The following ANAPC4 variants were observed in gnomAD, a reference collection of about 807,000 sequenced individuals.
ANAPC4 encodes anaphase-promoting complex subunit 4.
In ANAPC4, 63 loss-of-function variants were observed where a neutral mutation model predicts 119.8. The ratio of observed to expected loss-of-function variants is 0.53; its 90% CI spans 0.43 to 0.65. ANAPC4 has a LOEUF of 0.65. Ranked by LOEUF, ANAPC4 falls within the 30% of genes least tolerant of loss-of-function variation. The probability of loss-of-function intolerance (pLI) is 0.00; values close to 1 mark genes in which losing one functional copy is unlikely to be tolerated. For synonymous variants in ANAPC4, 283 were observed against 318.6 expected (o/e 0.89, Z 1.19); for missense variants, 716 against 945.1 (o/e 0.76, Z 3.18).
chr4:25,417,249 CAT>C (rs1236534388), intron 27 of ANAPC4: 1 of 154,988 alleles, frequency 6.5e-6, no homozygotes, highest in Non-Finnish European at 1.4e-5. Context: ...CTCAGCCTCT[CAT>C]AGCTGGGACT....
At position 25,390,969 on chromosome 4, in the gene ANAPC4, T is replaced by C; in HGVS notation, c.659T>C (p.Val220Ala). The C allele has an allele frequency of 6.2e-7, 1 of 1,613,968 alleles. No individual in the cohort carries two copies. The highest frequency in any genetic ancestry group is 8.5e-7 in the Non-Finnish European group (1 of 1,179,916). The change falls in exon 9 of 29, where the codon GTC (valine) becomes GCC (alanine). Residue 220 changes from valine to alanine, a missense_variant. Around this residue, in one of 3 missense-constraint regions of ANAPC4, gnomAD observed 202 missense variants for 293.5 expected, o/e 0.69. Coordinates refer to ENST00000315368, the MANE Select transcript of ANAPC4 (RefSeq NM_013367.3). The stretch of plus-strand genomic sequence containing the variant: ...AGTGATTTGAAATCATTATCAGTGG[T>C]CACAGAAGTCTCTACCAATGGTGCT... ...LSSDLKSLSV[V>A]TEVSTNGASE...
chr4:25,380,573 AC>A (rs1296637903), intron 3 of ANAPC4, 94 bp downstream of exon 3: 1 of 830,534 alleles, frequency 1.2e-6, no homozygotes, highest in African/African-American at 1.7e-5. Context: ...TTCTTAGTAT[AC>A]ATAAGAATTA....
Position 25,391,011 on chromosome 4 carries a change from T to G in ANAPC4, c.701T>G (p.Phe234Cys). ...AATGGTGCTTCAGAAGTTTCATACT[T>G]TCAGGTGAGTATTGGAACTTGATAA... ...STNGASEVSY[F>C]QLETNLLYSF... The change falls in exon 9 of 29, where the codon TTT becomes TGT. Residue 234 changes from phenylalanine (F) to cysteine (C), a missense_variant. Phe to Cys is a radical substitution (Grantham distance 205). Around this residue, in one of 3 missense-constraint regions of ANAPC4, gnomAD observed 202 missense variants for 293.5 expected, o/e 0.69. Transcript: ENST00000315368. 1 of 1,604,272 alleles carries G rather than the reference T, an allele frequency of 6.2e-7. No homozygotes were observed. Among genetic ancestry groups the G allele is most frequent in the Non-Finnish European group, 8.5e-7 (1 of 1,171,372 alleles).
intron 11 of ANAPC4, among the ~76,000 whole-genome samples, 160 bp downstream of exon 11, chr4:25,394,051 C>T (rs73254166): frequency 0.067 from 10,171 of 152,136 alleles, 447 homozygotes; most frequent in African/African-American, 0.12. Context: ...CTCAGATTTG[C>T]CAAAAGGGCT....
chr4:25,407,469 G>A (rs1394316453), intron 20 of ANAPC4, among the ~76,000 whole-genome samples: 1 of 152,092 alleles, frequency 6.6e-6, no homozygotes, highest in Non-Finnish European at 1.5e-5. Context: ...GGGTGTGGTG[G>A]TGGGCACCTG....
intron 17 of ANAPC4, among the ~76,000 whole-genome samples, chr4:25,403,921 C>T (rs2109134432): frequency 6.6e-6 from 1 of 152,346 alleles, no homozygotes; most frequent in Non-Finnish European, 1.5e-5. Context: ...TTTGTATTCA[C>T]TCTGCAGTAT....
chr4:25,382,183 G>T (rs904941505), intron 3 of ANAPC4, among the ~76,000 whole-genome samples: 1 of 151,816 alleles, frequency 6.6e-6, no homozygotes, highest in Admixed American at 6.6e-5. Context: ...TGTTAATTGC[G>T]TACTAACCCA....
chr4:25,418,159 G>A lies in ANAPC4; in HGVS notation c.2204G>A (p.Ser735Asn). The A allele has an allele frequency of 5.0e-6, 8 of 1,611,282 alleles. No homozygotes were observed. Among genetic ancestry groups the A allele is most frequent in the Non-Finnish European group, 5.9e-6 (7 of 1,178,988 alleles). ...TTATGGCCTTTTCTTTTTTAGTTAA[G>A]CTCAAATCTTCGTCATGTGAGAGTA... is the stretch of plus-strand genomic sequence containing the variant. ...NGFRKVSCVL[S>N]SNLRHVRVFE... The change falls in exon 29 of 29, where the codon AGC becomes AAC. Residue 735 changes from serine (S) to asparagine (N), a missense_variant. By Grantham distance (46) the Ser-to-Asn change is conservative. Coordinates refer to ENST00000315368, the MANE Select transcript of ANAPC4 (RefSeq NM_013367.3).
rs532613634 is a variant in ANAPC4, at chr4:25,380,512, T to C, written c.235+33T>C. The C allele has an allele frequency of 2.6e-6, 4 of 1,511,614 alleles. No homozygotes were observed. In the African/African-American group the frequency reaches 4.2e-5, roughly 16 times the overall value. 93.6% of individuals were successfully genotyped at this position (1,511,614 alleles called of 1,614,324 possible). A position where few individuals can be genotyped will look rare whatever the true frequency, so the allele number is the denominator to read the frequency against. On this transcript the variant is annotated intron_variant, in intron 3 of 28. Coordinates refer to ENST00000315368, the MANE Select transcript of ANAPC4 (RefSeq NM_013367.3). ...TAATATTACAAAAAAAATATGTTTT[T>C]ATTTTCACAAAGAGTATTCTGTAAA...
chr4:25,409,445 A>G (rs1330547042), intron 20 of ANAPC4, among the ~76,000 whole-genome samples: 2 of 152,184 alleles, frequency 1.3e-5, no homozygotes, highest in African/African-American at 4.8e-5. Context: ...ACATTTATGG[A>G]GGGCTTAATT....
intron 4 of ANAPC4, among the ~76,000 whole-genome samples, chr4:25,387,199 G>A (rs1215612221): frequency 6.6e-6 from 1 of 152,120 alleles, no homozygotes; most frequent in East Asian, 1.9e-4. Context: ...TAATACACCA[G>A]GGTTGTAGTG....
chr4:25,396,652 CTGTT>C lies in ANAPC4; in HGVS notation c.1062-9_1062-6del. The C allele has an allele frequency of 1.9e-6, 3 of 1,577,886 alleles. No individual in the cohort carries two copies. The highest frequency in any genetic ancestry group is 2.6e-6 in the Non-Finnish European group (3 of 1,160,932). On this transcript the variant is annotated splice_polypyrimidine_tract_variant and splice_region_variant and intron_variant, in intron 14 of 28. Coordinates refer to ENST00000315368, the MANE Select transcript of ANAPC4 (RefSeq NM_013367.3). ...GTCATGATACTAATTTATTTCTGCT[CTGTT>C]TGGATAGTGGCTCGGAGTCTTTATT...
intron 20 of ANAPC4, 41 bp from the exon 21 acceptor site, chr4:25,409,657 C>A: frequency 7.0e-7 from 1 of 1,433,286 alleles, no homozygotes; most frequent in Non-Finnish European, 9.6e-7. Flanking sequence ...TTTTCCCTTC[C>A]AGGTATGAAT....
rs894587905 is a variant in ANAPC4 at position 25,401,839 on chromosome 4, C to CA, written c.1215-1124dup. Among the ~76,000 whole-genome samples, 35 of 151,790 alleles carry CA rather than the reference C, an allele frequency of 2.3e-4. No homozygotes were observed. The East Asian group carries it at 4.3e-3, about 18-fold the overall frequency. On this transcript the variant is annotated intron_variant, in intron 16 of 28. Transcript: ENST00000315368. Reference sequence around the variant, plus strand: ...GCTGTAGATGTGTGTGCTCAGAAGACAAAAAAAACACGAAGAGAAATGGCA... The same window carrying CA: ...GCTGTAGATGTGTGTGCTCAGAAGACAAAAAAAAACACGAAGAGAAATGGCA...
chr4:25,398,932 G>T (rs1033240466), intron 16 of ANAPC4, among the ~76,000 whole-genome samples: 6 of 151,042 alleles, frequency 4.0e-5, no homozygotes, highest in Admixed American at 6.6e-5. Flanking sequence ...GTTTAGGGAG[G>T]GGGAGTGTAG....
At position 25,388,549 on chromosome 4, in the gene ANAPC4, C is replaced by T. The variant is rs1722164402; in HGVS notation, c.418C>T (p.Pro140Ser). Residue 140 changes from proline (P) to serine (S), a missense_variant, in exon 5 of 29, where the codon CCT becomes TCT. Pro to Ser is a moderately conservative substitution (Grantham distance 74). This residue lies in a region of ANAPC4 where 202 missense variants were observed against 293.5 expected (regional missense o/e 0.69). Transcript: ENST00000315368. ...NAEDESNLLL[P>S]KLPTLPKNYS... ...TGAGGATGAATCAAATCTTCTCTTA[C>T]CTAAACTACCTACACTGCCAAAAAA... The T allele has an allele frequency of 6.2e-7, 1 of 1,605,248 alleles. No individual in the cohort carries two copies. Among genetic ancestry groups the T allele is most frequent in the Non-Finnish European group, 8.5e-7 (1 of 1,172,806 alleles).
At chr4:25,396,257 G>A (rs752922859) in intron 14 of ANAPC4, among the ~76,000 whole-genome samples, 1 of 152,134 alleles carries the variant, frequency 6.6e-6, no homozygotes, top group Non-Finnish European at 1.5e-5. Flanking sequence ...CTGTTATACT[G>A]TCAATGCCAT....
At chr4:25,417,089 A>G (rs1395156584) in intron 27 of ANAPC4, 1 of 152,728 alleles carries the variant, frequency 6.5e-6, no homozygotes, top group Non-Finnish European at 1.5e-5. Context: ...AAACCTTGCT[A>G]AGATGATATT....
At chr4:25,381,462 C>T (rs1292744241) in intron 3 of ANAPC4, among the ~76,000 whole-genome samples, 1 of 152,092 alleles carries the variant, frequency 6.6e-6, no homozygotes, top group Non-Finnish European at 1.5e-5. Flanking sequence ...AGGCGTGCAC[C>T]TTCATCCCTG....
Sources: gnomAD v4.1 joint callset for allele counts (sites outside exome capture counted in the v4.1 genomes callset) on GRCh38, gnomAD v4.1.1 for gene constraint, gnomAD v4.1.1 regional missense constraint, MANE v1.5 for transcripts, NCBI Gene and HGNC (gene_info 2026-07-23, HGNC 2026-07-21) for gene names.